Variants in PPM1L observed in about 807,000 individuals in gnomAD.
PPM1L encodes the protein protein phosphatase 1L.
Under a neutral mutation model 31.4 loss-of-function variants are expected in PPM1L, and 13 were observed. The observed-to-expected ratio is 0.41, with a 90% CI of 0.27 to 0.66. The LOEUF is 0.66. Ranked by LOEUF, PPM1L falls within the 30% of genes least tolerant of loss-of-function variation. PPM1L has a pLI of 0.29. For missense variants in PPM1L, 326 were observed against 453.7 expected (o/e 0.72, Z 2.56); for synonymous variants, 184 against 175.4 (o/e 1.05, Z -0.39).
chr3:160,758,765 A>G (rs572614941), intron 1 of PPM1L, among the ~76,000 whole-genome samples: 68 of 152,344 alleles, frequency 4.5e-4, no homozygotes, highest in African/African-American at 1.6e-3. Flanking sequence ...TTACACGTAC[A>G]TGGCTTGTCA....
chr3:160,771,569 T>A (rs111986176), intron 1 of PPM1L, among the ~76,000 whole-genome samples: 4 of 141,406 alleles, frequency 2.8e-5, no homozygotes, highest in African/African-American at 1.2e-4. Flanking sequence ...TTTTTTTTTT[T>A]TAAAAAGAGC....
chr3:160,788,899 C>T (rs1481457005), intron 1 of PPM1L, among the ~76,000 whole-genome samples: 2 of 151,840 alleles, frequency 1.3e-5, no homozygotes, highest in African/African-American at 4.8e-5. Flanking sequence ...CCAGTGTAAA[C>T]AACCTGTTTT....
At chr3:160,874,922 A>T (rs755506038) in intron 1 of PPM1L, among the ~76,000 whole-genome samples, 2 of 152,164 alleles carry the variant, frequency 1.3e-5, no homozygotes, top group Non-Finnish European at 2.9e-5. Context: ...AATAGGACAG[A>T]CATGTGATCA....
chr3:160,838,012 G>C (rs1370028705), intron 1 of PPM1L, among the ~76,000 whole-genome samples: 1 of 152,152 alleles, frequency 6.6e-6, no homozygotes, highest in Non-Finnish European at 1.5e-5. Context: ...TTAGGTTCAT[G>C]GGGTAGAACT....
chr3:160,781,435 T>C (rs1462068695), intron 1 of PPM1L, among the ~76,000 whole-genome samples: 3 of 152,198 alleles, frequency 2.0e-5, no homozygotes, highest in Non-Finnish European at 4.4e-5. Flanking sequence ...TTGCTTTTAT[T>C]TGTATATACT....
intron 2 of PPM1L, among the ~76,000 whole-genome samples, chr3:161,004,596 C>A (rs1283563721): frequency 3.4e-5 from 5 of 149,194 alleles, no homozygotes; most frequent in Admixed American, 1.3e-4. Context: ...GGAATTTATC[C>A]ATTTCTTCTA....
At chr3:160,981,401 A>G (rs1716793447) in intron 2 of PPM1L, among the ~76,000 whole-genome samples, 1 of 152,206 alleles carries the variant, frequency 6.6e-6, no homozygotes, top group Non-Finnish European at 1.5e-5. Context: ...GGGTTTCTTC[A>G]TAAGGCCTCT....
chr3:160,899,962 TG>T (rs1179755728), intron 1 of PPM1L, among the ~76,000 whole-genome samples: 1 of 152,178 alleles, frequency 6.6e-6, no homozygotes, highest in Non-Finnish European at 1.5e-5. Context: ...ATCTCCTACT[TG>T]TATTTTGGGT....
chr3:160,957,693 C>T (rs193289619), intron 1 of PPM1L, among the ~76,000 whole-genome samples: 51 of 151,956 alleles, frequency 3.4e-4, no homozygotes, highest in African/African-American at 1.2e-3. Context: ...TCTCCTGCCT[C>T]GGCCTCCCAA....
At chr3:160,984,313 C>T (rs866535351) in intron 2 of PPM1L, among the ~76,000 whole-genome samples, 29 of 152,262 alleles carry the variant, frequency 1.9e-4, no homozygotes, top group Middle Eastern at 6.8e-3. Context: ...TTCTCTTACC[C>T]ATTTTTGGTA....
chr3:161,013,881 C>A (rs143377229), intron 2 of PPM1L, among the ~76,000 whole-genome samples: 2,823 of 152,146 alleles, frequency 0.019, 79 homozygotes, highest in African/African-American at 0.063. Flanking sequence ...CTTGGTAGAT[C>A]TTCCTCCATC....
intron 1 of PPM1L, among the ~76,000 whole-genome samples, chr3:160,852,108 TC>T (rs1379147747): frequency 3.9e-5 from 6 of 152,218 alleles, no homozygotes; most frequent in African/African-American, 1.4e-4. Context: ...AATTTAATGT[TC>T]ATGACAAGTG....
At chr3:160,960,205 A>G (rs540125795) in intron 1 of PPM1L, among the ~76,000 whole-genome samples, 4 of 152,222 alleles carry the variant, frequency 2.6e-5, no homozygotes, top group Admixed American at 2.0e-4. Context: ...AAGTTGTACA[A>G]TTAATAGCTG....
intron 1 of PPM1L, among the ~76,000 whole-genome samples, chr3:160,784,492 A>G (rs2108068642): frequency 6.6e-6 from 1 of 152,344 alleles, no homozygotes; most frequent in South Asian, 2.1e-4. Flanking sequence ...GAAAGAGAAA[A>G]TGGAAAGAAA....
intron 1 of PPM1L, among the ~76,000 whole-genome samples, chr3:160,952,859 C>T (rs1193318907): frequency 3.3e-5 from 5 of 152,068 alleles, no homozygotes; most frequent in Non-Finnish European, 7.4e-5. Flanking sequence ...AAGGCAGTAC[C>T]ATCAATTATT....
At chr3:160,952,965 G>A (rs1366625915) in intron 1 of PPM1L, among the ~76,000 whole-genome samples, 3 of 152,092 alleles carry the variant, frequency 2.0e-5, no homozygotes, top group Non-Finnish European at 4.4e-5. Context: ...GAGGGGGAAA[G>A]GTAATTTATA....
intron 1 of PPM1L, among the ~76,000 whole-genome samples, chr3:160,956,529 C>T (rs1220727830): frequency 1.3e-5 from 2 of 152,214 alleles, no homozygotes; most frequent in Non-Finnish European, 2.9e-5. Flanking sequence ...GCACGTGATT[C>T]CTCAAAGGGT....
chr3:160,964,932 T>C (rs1009140042), intron 2 of PPM1L, among the ~76,000 whole-genome samples: 3 of 152,008 alleles, frequency 2.0e-5, no homozygotes, highest in Non-Finnish European at 2.9e-5. Context: ...AAAAATATAA[T>C]AATACAAAAG....
At chr3:160,903,892 G>A (rs555201729) in intron 1 of PPM1L, among the ~76,000 whole-genome samples, 6 of 152,204 alleles carry the variant, frequency 3.9e-5, no homozygotes, top group Admixed American at 2.6e-4. Flanking sequence ...CTTTTGTATT[G>A]TATTTATTTA....
Sources: allele counts gnomAD v4.1 joint callset (sites outside exome capture counted in the v4.1 genomes callset), GRCh38; gene constraint gnomAD v4.1.1; transcripts MANE v1.5; gene names NCBI Gene and HGNC (gene_info 2026-07-23, HGNC 2026-07-21).